Variants in KHDRBS2 observed in about 807,000 individuals in gnomAD.
The protein encoded by KHDRBS2 is KH domain-containing, RNA-binding, signal transduction-associated protein 2.
A neutral mutation model predicts 44.3 loss-of-function variants in KHDRBS2; 26 were observed. The observed-to-expected ratio is 0.59, with a 90% CI of 0.43 to 0.81. KHDRBS2 has a LOEUF of 0.81. Ranked by LOEUF, KHDRBS2 falls within the 40% of genes least tolerant of loss-of-function variation. KHDRBS2 has a pLI of 0.00. For synonymous variants in KHDRBS2, 194 were observed against 151.1 expected, an observed-to-expected ratio of 1.28 and a Z score of -2.08; for missense variants, 476 against 433.1, an observed-to-expected ratio of 1.10 and a Z score of -0.88.
the KHDRBS2 span, among the ~76,000 whole-genome samples, chr6:61,562,201 G>C: frequency 6.6e-6 from 1 of 152,198 alleles, no homozygotes; most frequent in African/African-American, 2.4e-5. Flanking sequence ...TCGACAGTCT[G>C]TGAAGATGTG....
At chr6:62,121,115 C>T (rs1489315936) in intron 2 of KHDRBS2, among the ~76,000 whole-genome samples, 1 of 152,182 alleles carries the variant, frequency 6.6e-6, no homozygotes, top group Non-Finnish European at 1.5e-5. Flanking sequence ...TGGGCTCATC[C>T]TGTGGTCATT....
intron 1 of KHDRBS2, among the ~76,000 whole-genome samples, chr6:62,182,185 T>C (rs1286803528): frequency 6.6e-6 from 1 of 152,012 alleles, no homozygotes; most frequent in African/African-American, 2.4e-5. Flanking sequence ...TGTAAGGCAC[T>C]CCATTTATGG....
chr6:61,581,334 T>A, the KHDRBS2 span, among the ~76,000 whole-genome samples: 1 of 152,086 alleles, frequency 6.6e-6, no homozygotes, highest in Non-Finnish European at 1.5e-5. Flanking sequence ...ACTAACAAAC[T>A]TTTACTTTTG....
chr6:61,626,660 A>C, the KHDRBS2 span, among the ~76,000 whole-genome samples: 1 of 152,234 alleles, frequency 6.6e-6, no homozygotes, highest in Non-Finnish European at 1.5e-5. Flanking sequence ...TTTCTATTCA[A>C]GATGAAGTTA....
intron 6 of KHDRBS2, among the ~76,000 whole-genome samples, chr6:61,740,528 C>T (rs1338495691): frequency 6.6e-6 from 1 of 151,794 alleles, no homozygotes; most frequent in African/African-American, 2.4e-5. Context: ...ATAAAAATTA[C>T]CAGGGCTTTG....
intron 6 of KHDRBS2, among the ~76,000 whole-genome samples, chr6:61,773,664 A>C (rs1021900642): frequency 4.0e-5 from 6 of 150,238 alleles, no homozygotes; most frequent in Non-Finnish European, 5.9e-5. Flanking sequence ...CCCATTTGTC[A>C]ATTTTGGCTT....
intron 7 of KHDRBS2, among the ~76,000 whole-genome samples, chr6:61,708,946 A>G (rs1770038045): frequency 6.6e-6 from 1 of 151,672 alleles, no homozygotes; most frequent in East Asian, 1.9e-4. Flanking sequence ...AGTATTTGAA[A>G]TTAAAATTGA....
chr6:62,065,692 G>T (rs1793478466), intron 2 of KHDRBS2, among the ~76,000 whole-genome samples: 1 of 147,448 alleles, frequency 6.8e-6, no homozygotes, highest in African/African-American at 2.5e-5. Flanking sequence ...TAGATGACGA[G>T]TTAGTGGGTG....
At chr6:62,212,039 A>G (rs1364923464) in intron 1 of KHDRBS2, among the ~76,000 whole-genome samples, 3 of 152,178 alleles carry the variant, frequency 2.0e-5, no homozygotes, top group African/African-American at 7.2e-5. Context: ...CATTATCCTT[A>G]GCAAACTAAT....
intron 6 of KHDRBS2, among the ~76,000 whole-genome samples, chr6:61,767,531 C>T (rs1780191955): frequency 6.6e-6 from 1 of 151,834 alleles, no homozygotes; most frequent in South Asian, 2.1e-4. Flanking sequence ...CTTTTCCTCC[C>T]TCCCTTTCAC....
At chr6:62,166,247 A>G (rs1032020406) in intron 2 of KHDRBS2, among the ~76,000 whole-genome samples, 1 of 151,960 alleles carries the variant, frequency 6.6e-6, no homozygotes, top group African/African-American at 2.4e-5. Context: ...GGCTGTTTTT[A>G]TCTTTCGGCT....
chr6:62,028,573 A>G lies in KHDRBS2; in HGVS notation c.336+19305T>C, dbSNP rs896601363. ...ATTAGATATGAACCATGAAATCTAT[A>G]TTTACTCTAAAGACACTGGTTTCCA... On this transcript the variant is annotated intron_variant, in intron 3 of 8. Transcript: ENST00000281156. Among the ~76,000 whole-genome samples, 6 of 152,084 alleles carry G rather than the reference A, an allele frequency of 3.9e-5. No individual in the cohort carries two copies. In the East Asian group the frequency reaches 1.2e-3, roughly 29 times the overall value.
chr6:62,155,066 C>G (rs2150108132), intron 2 of KHDRBS2, among the ~76,000 whole-genome samples: 1 of 152,142 alleles, frequency 6.6e-6, no homozygotes, highest in East Asian at 1.9e-4. Context: ...AAGGCTGTAG[C>G]AGAAATGTAT....
the KHDRBS2 span, among the ~76,000 whole-genome samples, chr6:61,601,079 C>A: frequency 6.6e-6 from 1 of 152,120 alleles, no homozygotes; most frequent in Non-Finnish European, 1.5e-5. Flanking sequence ...GGTCATTCAC[C>A]CACATTCCCT....
At chr6:62,254,730 G>C (rs1046981383) in intron 1 of KHDRBS2, among the ~76,000 whole-genome samples, 2 of 152,016 alleles carry the variant, frequency 1.3e-5, no homozygotes, top group Non-Finnish European at 2.9e-5. Context: ...CCAGATGCGG[G>C]AGTAGAATAG....
intron 6 of KHDRBS2, among the ~76,000 whole-genome samples, chr6:61,795,178 A>G (rs1743444): frequency 0.64 from 85,975 of 134,732 alleles, 28,653 homozygotes; most frequent in African/African-American, 0.83. Context: ...AAAGAAAAAC[A>G]TATTTTAGTT....
At chr6:62,114,087 C>T (rs1362363544) in intron 2 of KHDRBS2, among the ~76,000 whole-genome samples, 1 of 152,080 alleles carries the variant, frequency 6.6e-6, no homozygotes, top group Admixed American at 6.6e-5. Flanking sequence ...TGAGATCTCA[C>T]TCACTATCAT....
the KHDRBS2 span, among the ~76,000 whole-genome samples, chr6:61,669,139 A>C: frequency 6.6e-6 from 1 of 151,108 alleles, no homozygotes; most frequent in Non-Finnish European, 1.5e-5. Flanking sequence ...GATTAGGGTT[A>C]CTGTACAGGA....
chr6:62,249,718 T>A lies in KHDRBS2; in HGVS notation c.91+36140A>T, dbSNP rs116086423. Reference sequence around the variant, plus strand: ...GTCCATATGAAAACCAATGCATGACTTGTGTTCTATTTCTCTATAAAAGCA... The same window carrying A: ...GTCCATATGAAAACCAATGCATGACATGTGTTCTATTTCTCTATAAAAGCA... On this transcript the variant is annotated intron_variant, in intron 1 of 8. Coordinates refer to ENST00000281156, the MANE Select transcript of KHDRBS2 (RefSeq NM_152688.4). Among the ~76,000 whole-genome samples, 377 of 152,176 alleles carry A rather than the reference T, an allele frequency of 2.5e-3. 3 individuals are homozygous for A. The highest frequency in any genetic ancestry group is 8.3e-3 in the African/African-American group (345 of 41,550).
Sources: allele counts gnomAD v4.1 joint callset (sites outside exome capture counted in the v4.1 genomes callset), GRCh38; gene constraint gnomAD v4.1.1; transcripts MANE v1.5; gene names NCBI Gene and HGNC (gene_info 2026-07-23, HGNC 2026-07-21).